The following SLC1A2 variants were observed in gnomAD, a reference collection of about 807,000 sequenced individuals.
SLC1A2 encodes excitatory amino acid transporter 2.
A neutral mutation model predicts 48.8 loss-of-function variants in SLC1A2; 15 were observed. The ratio of observed to expected loss-of-function variants is 0.31; its 90% CI spans 0.21 to 0.47. The LOEUF (loss-of-function observed/expected upper bound fraction) is 0.47. SLC1A2 is among the 20% of genes least tolerant of loss of function. The pLI is 0.99. For missense variants in SLC1A2, 502 were observed against 730.5 expected (o/e 0.69, Z 3.61); for synonymous variants, 279 against 272.6 (o/e 1.02, Z -0.23).
At chr11:35,364,887 C>G (rs1429870416) in intron 1 of SLC1A2, among the ~76,000 whole-genome samples, 1 of 152,154 alleles carries the variant, frequency 6.6e-6, no homozygotes, top group African/African-American at 2.4e-5. Context: ...TCAAGACAAC[C>G]CTGTGAGGTG....
At chr11:35,375,675 T>G (rs542227015) in intron 1 of SLC1A2, among the ~76,000 whole-genome samples, 19 of 152,222 alleles carry the variant, frequency 1.2e-4, no homozygotes, top group Middle Eastern at 3.4e-3. Context: ...GTCACTCTGG[T>G]CAGAGCCACA....
In SLC1A2 at chr11:35,260,699, G is replaced by A. The variant is rs548427731; in HGVS notation, c.*195C>T. The A allele has an allele frequency of 1.7e-4, 99 of 567,194 alleles. No individual in the cohort carries two copies. In the African/African-American group the frequency reaches 1.8e-3, roughly 10 times the overall value. The allele number at this position is 567,194 out of a possible 1,614,324, so 35.1% of individuals were successfully genotyped here. ...AGTGAGAAAATTAGACGGTTATAAA[G>A]CATTATTTGGCAAAGACACAGCACC... On this transcript the variant is annotated 3_prime_UTR_variant, in exon 11 of 11. Transcript: ENST00000278379.
intron 4 of SLC1A2, among the ~76,000 whole-genome samples, chr11:35,310,623 G>C (rs560552175): frequency 1.3e-5 from 2 of 152,312 alleles, no homozygotes; most frequent in African/African-American, 4.8e-5. Context: ...TAAGCAAACT[G>C]TTTCCTAAGC....
chr11:35,301,016 C>T (rs986888550), intron 6 of SLC1A2, among the ~76,000 whole-genome samples: 2 of 152,004 alleles, frequency 1.3e-5, no homozygotes, highest in Non-Finnish European at 2.9e-5. Context: ...TAGAGTCAGA[C>T]CCTGTCTCAA....
chr11:35,311,411 C>T lies in SLC1A2; in HGVS notation c.561+787G>A, dbSNP rs1201534929. Among the ~76,000 whole-genome samples, 9 of 152,128 alleles carry T rather than the reference C, an allele frequency of 5.9e-5. No individual in the cohort carries two copies. In the South Asian group the frequency reaches 1.5e-3, roughly 25 times the overall value. ...CTAACCTCAAATGATCCCCCTGCCT[C>T]GGCCTCTCGAAGTGCTGGGATTATA... On this transcript the variant is annotated intron_variant, in intron 4 of 10. Transcript: ENST00000278379.
chr11:35,339,557 ACTCACAGGACC>A (rs1852762460), intron 1 of SLC1A2, among the ~76,000 whole-genome samples: 1 of 152,112 alleles, frequency 6.6e-6, no homozygotes, highest in Non-Finnish European at 1.5e-5. Flanking sequence ...GATCCTGGTG[ACTCACAGGACC>A]CTCTGTCAGG....
intron 1 of SLC1A2, among the ~76,000 whole-genome samples, chr11:35,409,048 G>A (rs1350266727): frequency 6.6e-6 from 1 of 152,140 alleles, no homozygotes; most frequent in Non-Finnish European, 1.5e-5. Context: ...CAATGTCTTG[G>A]TCTCAGAAAG....
intron 1 of SLC1A2, among the ~76,000 whole-genome samples, chr11:35,390,008 T>G (rs547127222): frequency 2.0e-5 from 3 of 152,348 alleles, no homozygotes; most frequent in African/African-American, 7.2e-5. Flanking sequence ...ATAATAAAGT[T>G]TAAAGTTTGA....
chr11:35,416,767 C>T (rs1463584458), intron 1 of SLC1A2, among the ~76,000 whole-genome samples: 2 of 152,220 alleles, frequency 1.3e-5, no homozygotes, highest in African/African-American at 4.8e-5. Flanking sequence ...ACAAAGGAGA[C>T]AGCCTGAGGA....
At chr11:35,293,998 T>C (rs1851091562) in intron 6 of SLC1A2, among the ~76,000 whole-genome samples, 1 of 152,168 alleles carries the variant, frequency 6.6e-6, no homozygotes, top group Admixed American at 6.5e-5. Flanking sequence ...CATGCATATA[T>C]GTGTGCTGCT....
chr11:35,292,518 T>A lies in SLC1A2; in HGVS notation c.860A>T (p.Tyr287Phe). ...CAGGCAGGCGATACCCAGGGGAGAG[T>A]ACCTGAAAAACACAAAAGGGAAAAA... ...VMKLVIMIMW[Y>F]SPLGIACLIC... Residue 287 changes from tyrosine to phenylalanine, a missense_variant and splice_region_variant, in exon 7 of 11, where the codon TAC (tyrosine) becomes TTC (phenylalanine). Physicochemically the swap from Tyr to Phe is conservative, Grantham distance 22 (BLOSUM62 3). Coordinates refer to ENST00000278379, the MANE Select transcript of SLC1A2 (RefSeq NM_004171.4). The A allele has an allele frequency of 6.2e-7, 1 of 1,605,890 alleles. No individual in the cohort carries two copies. The highest frequency in any genetic ancestry group is 8.5e-7 in the Non-Finnish European group (1 of 1,173,738).
chr11:35,280,415 G>C (rs555658416), intron 9 of SLC1A2: 1 of 152,662 alleles, frequency 6.6e-6, no homozygotes, highest in Admixed American at 6.5e-5. Context: ...CACCTGCCTC[G>C]GCCTCCACAA....
intron 1 of SLC1A2, among the ~76,000 whole-genome samples, chr11:35,415,297 G>A (rs1390170841): frequency 6.6e-6 from 1 of 152,162 alleles, no homozygotes; most frequent in East Asian, 1.9e-4. Context: ...ATAACATGGA[G>A]TTTCTGCCTC....
At position 35,385,537 on chromosome 11, in the gene SLC1A2, C is replaced by T. The variant is rs187255926; in HGVS notation, c.17+33413G>A. ...TCTGGGTAGCAGTCAAATGTTCTTT[C>T]TCAGAACACCTTACAGCGACATGGT... On this transcript the variant is annotated intron_variant, in intron 1 of 10. Transcript: ENST00000278379. 6.1e-3 allele frequency among the ~76,000 whole-genome samples: 923 copies of T among 152,286 alleles called. 11 individuals carry two copies. Among genetic ancestry groups the T allele is most frequent in the South Asian group, 0.012 (58 of 4,824 alleles).
intron 9 of SLC1A2, among the ~76,000 whole-genome samples, chr11:35,273,594 G>C (rs923949680): frequency 6.6e-6 from 1 of 152,158 alleles, no homozygotes; most frequent in African/African-American, 2.4e-5. Flanking sequence ...TTTTAGTCCA[G>C]GTGAAAAGGG....
In SLC1A2 at chr11:35,257,782, T is replaced by C. The variant is rs976083799; in HGVS notation, c.*3112A>G. On this transcript the variant is annotated 3_prime_UTR_variant, in exon 11 of 11. Transcript: ENST00000278379. ...AAATGATTCTGATTCCTAAAAAACA[T>C]GAATGAGTCTATAGCAAAATGGCAT... 11 of 152,220 alleles carry C rather than the reference T, an allele frequency of 7.2e-5. No homozygotes were observed. Among genetic ancestry groups the C allele is most frequent in the Non-Finnish European group, 1.3e-4 (9 of 68,034 alleles). 9.4% of individuals were successfully genotyped at this position (152,220 alleles called of 1,614,324 possible).
chr11:35,419,670 A>T (rs1290879764), upstream of SLC1A2: 1 of 158,184 alleles, frequency 6.3e-6, no homozygotes, highest in African/African-American at 2.4e-5. The surrounding 1 kb of genome is among the most constrained non-coding windows in gnomAD (Gnocchi z 5.4). Flanking sequence ...TTAGCCAAAT[A>T]AGAAAAGAGG....
chr11:35,269,059 C>T (rs1591406702), intron 9 of SLC1A2, among the ~76,000 whole-genome samples: 1 of 152,146 alleles, frequency 6.6e-6, no homozygotes, highest in Admixed American at 6.6e-5. Context: ...GAGATGGGAC[C>T]ATTGGGAGGT....
At chr11:35,413,882 G>A (rs1855534255) in intron 1 of SLC1A2, 1 of 152,198 alleles carries the variant, frequency 6.6e-6, no homozygotes, top group Non-Finnish European at 1.5e-5. Flanking sequence ...AAACGTAAGA[G>A]AAGAAAGTAC....
Sources: gnomAD v4.1 joint callset for allele counts (sites outside exome capture counted in the v4.1 genomes callset) on GRCh38, gnomAD v4.1.1 for gene constraint, Gnocchi (gnomAD v3.1) non-coding constraint, MANE v1.5 for transcripts, NCBI Gene and HGNC (gene_info 2026-07-23, HGNC 2026-07-21) for gene names.